ANP32A: variants seen among roughly 807,000 people sequenced by gnomAD.
ANP32A encodes the protein acidic leucine-rich nuclear phosphoprotein 32 family member A.
ANP32A carries 1 observed loss-of-function variant against 33.9 expected under a neutral mutation model. That is an observed-to-expected ratio of 0.03 (90% CI 0.01 to 0.14). The LOEUF is 0.14. ANP32A is among the 10% of genes least tolerant of loss of function. The pLI is 1.00. For synonymous variants in ANP32A, 115 were observed against 120.5 expected, an observed-to-expected ratio of 0.95 and a Z score of 0.30; for missense variants, 155 against 306.0, an observed-to-expected ratio of 0.51 and a Z score of 3.68.
rs528133350 is a variant in ANP32A, at chr15:68,798,120, G to T, written c.55-10201C>A. Among the ~76,000 whole-genome samples, 10 of 152,370 alleles carry T rather than the reference G, an allele frequency of 6.6e-5. No individual in the cohort carries two copies. In the South Asian group the frequency reaches 2.1e-3, roughly 32 times the overall value. On this transcript the variant is annotated intron_variant, in intron 1 of 6. Transcript: ENST00000465139. ...TGGGAGATTGAAGCCCAGCTTGGCTGGGACCGCTTGTGGACTGCGGGAGCT... is the reference window on the plus strand; with the variant it reads ...TGGGAGATTGAAGCCCAGCTTGGCTTGGACCGCTTGTGGACTGCGGGAGCT...
chr15:68,795,894 T>C (rs1894057930), intron 1 of ANP32A, among the ~76,000 whole-genome samples: 1 of 152,278 alleles, frequency 6.6e-6, no homozygotes, highest in Non-Finnish European at 1.5e-5. Flanking sequence ...AGCCCAGGCC[T>C]GTCTGGTTTA....
chr15:68,801,824 C>CAG (rs397752790), intron 1 of ANP32A: 1 of 154,244 alleles, frequency 6.5e-6, no homozygotes, highest in Non-Finnish European at 1.5e-5. Context: ...CTGAGTCACA[C>CAG]CAGAGGTGTG....
chr15:68,782,842 G>A lies in ANP32A; in HGVS notation c.624+114C>T, dbSNP rs535470330. 124 of 1,485,846 alleles carry A rather than the reference G, an allele frequency of 8.3e-5. No homozygotes were observed. The African/African-American group carries it at 1.5e-3, about 18-fold the overall frequency. The allele number at this position is 1,485,846 out of a possible 1,614,324, so 92.0% of individuals were successfully genotyped here. On this transcript the variant is annotated intron_variant, in intron 5 of 6. Transcript: ENST00000465139. ...AAATGGACTCACTTCACTACCCATCGGGGAGCGACTTTCCTAACCAGGGCT... is the reference window on the plus strand; with the variant it reads ...AAATGGACTCACTTCACTACCCATCAGGGAGCGACTTTCCTAACCAGGGCT...
chr15:68,796,737 G>T (rs1042300068), intron 1 of ANP32A, among the ~76,000 whole-genome samples: 9 of 152,214 alleles, frequency 5.9e-5, no homozygotes, highest in African/African-American at 1.9e-4. Flanking sequence ...CTGGGCTTTG[G>T]TCCGCCTTGC....
chr15:68,781,164 C>T (rs1160318913), intron 5 of ANP32A: 1 of 152,148 alleles, frequency 6.6e-6, no homozygotes, highest in East Asian at 1.9e-4. Flanking sequence ...AACCTGGTTC[C>T]TGAAGTTTAA....
chr15:68,780,555 GC>G lies in ANP32A; in HGVS notation c.625-83del. ...AGGAAGCCACACAGAGCACAAAAAGGCCGGGGTCACCCCCAGCCTCTCAGAG... is the reference window on the plus strand; with the variant it reads ...AGGAAGCCACACAGAGCACAAAAAGGCGGGGTCACCCCCAGCCTCTCAGAG... On this transcript the variant is annotated intron_variant, in intron 5 of 6. Coordinates refer to ENST00000465139, the MANE Select transcript of ANP32A (RefSeq NM_006305.4). The surrounding 1 kb of genome is among the most constrained non-coding windows in gnomAD (Gnocchi z 4.3). The G allele has an allele frequency of 6.3e-7, 1 of 1,581,548 alleles. No individual in the cohort carries two copies. Among genetic ancestry groups the G allele is most frequent in the Non-Finnish European group, 8.6e-7 (1 of 1,165,284 alleles).
chr15:68,795,306 GTC>G (rs1341254947), intron 1 of ANP32A, among the ~76,000 whole-genome samples: 1 of 152,152 alleles, frequency 6.6e-6, no homozygotes, highest in Non-Finnish European at 1.5e-5. Flanking sequence ...AAGCATCCAC[GTC>G]TCTGATTTTT....
chr15:68,802,200 T>A (rs891148227), intron 1 of ANP32A, among the ~76,000 whole-genome samples: 1 of 152,188 alleles, frequency 6.6e-6, no homozygotes, highest in South Asian at 2.1e-4. Flanking sequence ...TTCTCATGGT[T>A]TTAAAACCAA....
intron 1 of ANP32A, among the ~76,000 whole-genome samples, chr15:68,817,984 C>G (rs1234806785): frequency 1.3e-5 from 2 of 152,230 alleles, no homozygotes; most frequent in Admixed American, 6.5e-5. Flanking sequence ...TCCTGCCCCC[C>G]AGTAACGCCT....
intron 3 of ANP32A, among the ~76,000 whole-genome samples, chr15:68,784,885 A>T (rs528071523): frequency 6.6e-6 from 1 of 152,316 alleles, no homozygotes; most frequent in African/African-American, 2.4e-5. Context: ...CTTCTGTCTT[A>T]ACAGTGATTG....
At chr15:68,820,605 C>A (rs1289075483) in intron 1 of ANP32A, 93 bp downstream of exon 1, 2 of 332,302 alleles carry the variant, frequency 6.0e-6, no homozygotes, top group East Asian at 1.4e-4. Context: ...GGCGCCCCCC[C>A]CCAAAAAAAG....
At chr15:68,808,794 C>T (rs563322160) in intron 1 of ANP32A, among the ~76,000 whole-genome samples, 2 of 152,284 alleles carry the variant, frequency 1.3e-5, no homozygotes, top group South Asian at 4.1e-4. Context: ...GTAGTTCTCA[C>T]GAATTCTACA....
intron 4 of ANP32A, 71 bp from the exon 5 acceptor site, chr15:68,783,124 C>G (rs908230460): frequency 1.3e-6 from 2 of 1,541,024 alleles, no homozygotes; most frequent in East Asian, 4.9e-5. Flanking sequence ...ACAGCACAGG[C>G]CCCTTGTAGC....
At chr15:68,807,678 A>C (rs2924631) in intron 1 of ANP32A, among the ~76,000 whole-genome samples, 1 of 151,982 alleles carries the variant, frequency 6.6e-6, no homozygotes, top group East Asian at 1.9e-4. Context: ...GGCATAAACG[A>C]TATTTCTTTC....
At position 68,779,844 on chromosome 15, in the gene ANP32A, A is replaced by C; in HGVS notation, c.*237T>G. 1.9e-6 allele frequency: 1 copy of C among 525,870 alleles called. No homozygotes were observed. The highest frequency in any genetic ancestry group is 2.7e-5 in the South Asian group (1 of 37,026). The allele number at this position is 525,870 out of a possible 1,614,324, so 32.6% of individuals were successfully genotyped here. ...TTTACAGGGACAAAAACCGGACACA[A>C]AGAAAAAGTAGGGGAAAAAAATAAA... On this transcript the variant is annotated 3_prime_UTR_variant, in exon 7 of 7. Transcript: ENST00000465139.
chr15:68,799,076 C>T (rs1187330933), intron 1 of ANP32A, among the ~76,000 whole-genome samples: 9 of 152,208 alleles, frequency 5.9e-5, no homozygotes, highest in Non-Finnish European at 4.4e-5. Context: ...CTCCCTTAGA[C>T]AAGTGTGAAA....
At chr15:68,801,407 C>T (rs1369451371) in intron 1 of ANP32A, among the ~76,000 whole-genome samples, 1 of 151,942 alleles carries the variant, frequency 6.6e-6, no homozygotes, top group Non-Finnish European at 1.5e-5. Context: ...TGGTTTCAGG[C>T]TTTACTGCTT....
chr15:68,819,972 G>C (rs1294469107), intron 1 of ANP32A, among the ~76,000 whole-genome samples: 1 of 152,154 alleles, frequency 6.6e-6, no homozygotes. Context: ...GGGAGGGAGG[G>C]AGAGAAAGGG....
At chr15:68,807,113 G>C (rs1894241146) in intron 1 of ANP32A, among the ~76,000 whole-genome samples, 1 of 152,236 alleles carries the variant, frequency 6.6e-6, no homozygotes, top group South Asian at 2.1e-4. Context: ...TGCGTGCCCT[G>C]GAAGTCCCCA....
Sources: gnomAD v4.1 joint callset for allele counts (sites outside exome capture counted in the v4.1 genomes callset) on GRCh38, gnomAD v4.1.1 for gene constraint, Gnocchi (gnomAD v3.1) non-coding constraint, MANE v1.5 for transcripts, NCBI Gene and HGNC (gene_info 2026-07-23, HGNC 2026-07-21) for gene names.